FAM120B: variants seen among roughly 807,000 people sequenced by gnomAD.
The protein encoded by FAM120B is family with sequence similarity 120 member B.
A neutral mutation model predicts 96.3 loss-of-function variants in FAM120B; 83 were observed. That is an observed-to-expected ratio of 0.86 (90% CI 0.72 to 1.03). The LOEUF is 1.03. Among genes scored for constraint, FAM120B ranks in the 50% least tolerant of loss-of-function variants. The pLI is 0.00. For missense variants in FAM120B, 1,027 were observed against 1,121.2 expected (o/e 0.92, Z 1.20); for synonymous variants, 407 against 402.7 (o/e 1.01, Z -0.13).
At chr6:170,385,807 C>T (rs565200562) in intron 6 of FAM120B, among the ~76,000 whole-genome samples, 6 of 152,252 alleles carry the variant, frequency 3.9e-5, no homozygotes, top group East Asian at 1.9e-4. Context: ...ACTAAAAATA[C>T]GTCTATCAAG....
At chr6:170,313,969 T>C (rs1053759946) in intron 1 of FAM120B, among the ~76,000 whole-genome samples, 7 of 152,228 alleles carry the variant, frequency 4.6e-5, no homozygotes, top group Admixed American at 3.3e-4. Context: ...TTCCTCACTG[T>C]GTGTGCGTCC....
intron 4 of FAM120B, among the ~76,000 whole-genome samples, chr6:170,342,782 A>G (rs2086443278): frequency 6.6e-6 from 1 of 152,200 alleles, no homozygotes; most frequent in African/African-American, 2.4e-5. Flanking sequence ...CTGGTGGGTG[A>G]CCTGGGGACC....
intron 3 of FAM120B, among the ~76,000 whole-genome samples, chr6:170,326,625 T>G (rs1024161089): frequency 6.6e-6 from 1 of 152,248 alleles, no homozygotes; most frequent in Non-Finnish European, 1.5e-5. Flanking sequence ...TACCCAATCC[T>G]GCTGTTGTAG....
intron 2 of FAM120B, among the ~76,000 whole-genome samples, chr6:170,319,707 C>T (rs937226262): frequency 2.0e-5 from 3 of 152,170 alleles, no homozygotes; most frequent in Non-Finnish European, 4.4e-5. Flanking sequence ...AGAGGTAGAA[C>T]TGGAGCCAGA....
intron 3 of FAM120B, 88 bp downstream of exon 3, chr6:170,323,347 C>G: frequency 3.7e-6 from 4 of 1,094,350 alleles, no homozygotes; most frequent in Non-Finnish European, 5.3e-6. Flanking sequence ...TGCATTCTTT[C>G]AAGACATGGA....
chr6:170,318,072 C>G lies in FAM120B; in HGVS notation c.682C>G (p.Leu228Val), dbSNP rs1303393305. The change falls in exon 2 of 11, where the codon CTC becomes GTC. Residue 228 changes from leucine to valine, a missense_variant. Physicochemically the swap from Leu to Val is conservative, Grantham distance 32. Transcript: ENST00000476287. ...CVADLPLLAC[L>V]LGNDIIPEGM... Reference sequence around the variant, plus strand: ...GGCCGACCTTCCTCTTCTGGCCTGCCTCCTTGGCAACGACATAATCCCAGA... The same window carrying G: ...GGCCGACCTTCCTCTTCTGGCCTGCGTCCTTGGCAACGACATAATCCCAGA... 6.2e-7 allele frequency: 1 copy of G among 1,614,196 alleles called. No individual in the cohort carries two copies. Among genetic ancestry groups the G allele is most frequent in the East Asian group, 2.2e-5 (1 of 44,880 alleles).
intron 8 of FAM120B, among the ~76,000 whole-genome samples, chr6:170,392,717 C>T (rs1790538134): frequency 6.6e-6 from 1 of 152,138 alleles, no homozygotes; most frequent in Non-Finnish European, 1.5e-5. Context: ...CTTGCAAATA[C>T]CATTCTCAGA....
At chr6:170,337,713 A>C (rs1286777482) in intron 4 of FAM120B, among the ~76,000 whole-genome samples, 2 of 151,954 alleles carry the variant, frequency 1.3e-5, no homozygotes, top group African/African-American at 4.8e-5. Flanking sequence ...TTCAGAACCT[A>C]TTATTGGTCC....
intron 6 of FAM120B, among the ~76,000 whole-genome samples, chr6:170,359,779 A>G (rs1310982466): frequency 6.6e-6 from 1 of 152,186 alleles, no homozygotes; most frequent in Non-Finnish European, 1.5e-5. Flanking sequence ...ACTAATTCTC[A>G]TAGCATAGCA....
chr6:170,377,198 A>G (rs142495091), intron 6 of FAM120B, among the ~76,000 whole-genome samples: 342 of 38,436 alleles, frequency 8.9e-3, no homozygotes, highest in Admixed American at 0.018. Flanking sequence ...GGAGAACACG[A>G]GCTCACGCTG....
At chr6:170,321,548 T>C (rs1785288039) in intron 2 of FAM120B, among the ~76,000 whole-genome samples, 1 of 152,194 alleles carries the variant, frequency 6.6e-6, no homozygotes, top group Non-Finnish European at 1.5e-5. Context: ...CAGCTAATTT[T>C]TGTATTTTTT....
rs9460113 is a variant in FAM120B, at chr6:170,318,563, G to A, written c.1173G>A (p.Thr391=). 0.64 allele frequency: 1,019,336 copies of A among 1,595,294 alleles called. 331,823 individuals carry two copies. The highest frequency in any genetic ancestry group is 0.67 in the Non-Finnish European group (779,532 of 1,172,140). Residue 391 remains threonine, a synonymous_variant, in exon 2 of 11, where the codon ACG becomes ACA. Transcript: ENST00000476287. ...CTGAACCCAGGCAAGAAGTTCCCAC[G>A]TGTACAGGCCCTGAATCCAGGCGAG... ...SDPEPRQEVP[T]CTGPESRREV...
At chr6:170,292,056 C>G (rs909066300), upstream of FAM120B, among the ~76,000 whole-genome samples, 1 of 152,186 alleles carries the variant, frequency 6.6e-6, no homozygotes, top group African/African-American at 2.4e-5. The surrounding 1 kb of genome is among the most constrained non-coding windows in gnomAD (Gnocchi z 6.6). Context: ...GTAATGCAGA[C>G]AGCACCTGCT....
chr6:170,360,089 G>C (rs1461755188), intron 6 of FAM120B, among the ~76,000 whole-genome samples: 6 of 152,094 alleles, frequency 3.9e-5, no homozygotes, highest in Admixed American at 6.5e-5. Context: ...TAAACAACAA[G>C]ACAGAAGTAT....
Position 170,339,765 on chromosome 6 carries a change from C to T in FAM120B, c.2018-8386C>T, listed in dbSNP as rs150683657. ...CTGCACTCCAGCCTGGATGACAGAG[C>T]GAGACTCCATCTCAAAAAAAAAAAA... On this transcript the variant is annotated intron_variant, in intron 4 of 10. Coordinates refer to ENST00000476287, the MANE Select transcript of FAM120B (RefSeq NM_032448.3). 0.011 allele frequency among the ~76,000 whole-genome samples: 1,484 copies of T among 139,010 alleles called. 60 individuals carry two copies. In the East Asian group the frequency reaches 0.11, roughly 10 times the overall value. The allele number at this position is 139,010 out of a possible 152,430, so 91.2% of individuals were successfully genotyped here.
chr6:170,385,927 G>T (rs904911802), intron 6 of FAM120B, among the ~76,000 whole-genome samples: 2 of 152,228 alleles, frequency 1.3e-5, no homozygotes, highest in African/African-American at 4.8e-5. Flanking sequence ...GGAAAAGGGA[G>T]AACTATGGAA....
intron 5 of FAM120B, among the ~76,000 whole-genome samples, chr6:170,353,727 C>T (rs1408479104): frequency 6.6e-6 from 1 of 152,104 alleles, no homozygotes; most frequent in Non-Finnish European, 1.5e-5. Context: ...AAGTGAAGGA[C>T]CTCTTCAAGG....
At chr6:170,391,845 G>A (rs985700956) in intron 8 of FAM120B, among the ~76,000 whole-genome samples, 1 of 152,166 alleles carries the variant, frequency 6.6e-6, no homozygotes, top group Non-Finnish European at 1.5e-5. Context: ...TTCTGCCAAG[G>A]TTTTCTGTGT....
intron 5 of FAM120B, among the ~76,000 whole-genome samples, chr6:170,349,290 T>C (rs1174535572): frequency 6.6e-6 from 1 of 152,210 alleles, no homozygotes; most frequent in Non-Finnish European, 1.5e-5. Flanking sequence ...GACCTCCCTA[T>C]ATGGTGGGTC....
Sources: gnomAD v4.1 joint callset for allele counts (sites outside exome capture counted in the v4.1 genomes callset) on GRCh38, gnomAD v4.1.1 for gene constraint, Gnocchi (gnomAD v3.1) non-coding constraint, MANE v1.5 for transcripts, NCBI Gene and HGNC (gene_info 2026-07-23, HGNC 2026-07-21) for gene names.